KCNQ1OT1: variants seen among roughly 807,000 people sequenced by gnomAD.
KCNQ1OT1 encodes KCNQ1 opposite strand/antisense transcript 1.
chr11:2,629,733 T>G (rs1378180169), exon 1 of KCNQ1OT1: 2 of 398,410 alleles, frequency 5.0e-6, no homozygotes, highest in Non-Finnish European at 8.8e-6. Context: ...TTGTTTATTA[T>G]TAGTGTATAG....
chr11:2,691,620 T>C lies in KCNQ1OT1; in HGVS notation n.8375A>G. The C allele has an allele frequency of 2.5e-6, 1 of 398,538 alleles. No individual in the cohort carries two copies. The highest frequency in any genetic ancestry group is 4.4e-6 in the Non-Finnish European group (1 of 226,044). 24.7% of individuals were successfully genotyped at this position (398,538 alleles called of 1,614,324 possible). A position where few individuals can be genotyped will look rare whatever the true frequency, so the allele number is the denominator to read the frequency against. The stretch of plus-strand genomic sequence containing the variant: ...GTCAACCTAGCTTGTTCCCTGCACG[T>C]ACTGTGGGGAGGTCCTCTTTACCGC... On this transcript the variant is annotated non_coding_transcript_exon_variant, in exon 1 of 1. Transcript: ENST00000597346. The surrounding 1 kb of genome is among the most constrained non-coding windows in gnomAD (Gnocchi z 6.4).
rs763234280 is a variant in KCNQ1OT1, at chr11:2,642,153, A to G, written n.57842T>C. ...TTTAGGATTTTTTCTATTTCCATGA[A>G]AAATGGCATTGGTATTTTGAGAGAG... On this transcript the variant is annotated non_coding_transcript_exon_variant, in exon 1 of 1. Coordinates refer to ENST00000597346, the Ensembl canonical transcript of KCNQ1OT1. The surrounding 1 kb of genome is among the most constrained non-coding windows in gnomAD (Gnocchi z 4.3). 5.0e-6 allele frequency: 2 copies of G among 398,372 alleles called. No individual in the cohort carries two copies. Among genetic ancestry groups the G allele is most frequent in the Non-Finnish European group, 8.8e-6 (2 of 226,000 alleles). 24.7% of individuals were successfully genotyped at this position (398,372 alleles called of 1,614,324 possible).
Position 2,683,386 on chromosome 11 carries a change from C to T in KCNQ1OT1, n.16609G>A. On this transcript the variant is annotated non_coding_transcript_exon_variant, in exon 1 of 1. Coordinates refer to ENST00000597346, the Ensembl canonical transcript of KCNQ1OT1. The surrounding 1 kb of genome is among the most constrained non-coding windows in gnomAD (Gnocchi z 4.7). ...TGTCTGCAAATGCAGGTTCCTGGGG[C>T]TCTGGGTGGTTTGTCCAATGGCTAA... 2.5e-6 allele frequency: 1 copy of T among 398,634 alleles called. No individual in the cohort carries two copies. Among genetic ancestry groups the T allele is most frequent in the Non-Finnish European group, 4.4e-6 (1 of 226,070 alleles). The allele number at this position is 398,634 out of a possible 1,614,324, so 24.7% of individuals were successfully genotyped here. A position where few individuals can be genotyped will look rare whatever the true frequency, so the allele number is the denominator to read the frequency against.
chr11:2,697,051 G>A, exon 1 of KCNQ1OT1: 1 of 398,398 alleles, frequency 2.5e-6, no homozygotes, highest in Non-Finnish European at 4.4e-6. Context: ...TTCAGGAAAG[G>A]TCAAAAACAT....
exon 1 of KCNQ1OT1, chr11:2,693,240 G>A (rs1416149138): frequency 7.5e-6 from 3 of 398,750 alleles, no homozygotes; most frequent in Non-Finnish European, 1.3e-5. Context: ...ATAGCCCAGG[G>A]CTACCTGTAC....
Position 2,691,625 on chromosome 11 carries a change from T to G in KCNQ1OT1, n.8370A>C, listed in dbSNP as rs1850589315. The stretch of plus-strand genomic sequence containing the variant: ...CCTAGCTTGTTCCCTGCACGTACTG[T>G]GGGGAGGTCCTCTTTACCGCCACAG... On this transcript the variant is annotated non_coding_transcript_exon_variant, in exon 1 of 1. Coordinates refer to ENST00000597346, the Ensembl canonical transcript of KCNQ1OT1. This position sits in a 1 kb window ranked among gnomAD's most constrained non-coding sequence, Gnocchi z 6.4. 1.5e-5 allele frequency: 6 copies of G among 398,386 alleles called. No individual in the cohort carries two copies. The South Asian group carries it at 6.4e-4, about 42-fold the overall frequency. The allele number at this position is 398,386 out of a possible 1,614,324, so 24.7% of individuals were successfully genotyped here. A position where few individuals can be genotyped will look rare whatever the true frequency, so the allele number is the denominator to read the frequency against.
At chr11:2,631,858 C>A in exon 1 of KCNQ1OT1, 1 of 398,308 alleles carries the variant, frequency 2.5e-6, no homozygotes, top group Middle Eastern at 6.3e-4. Flanking sequence ...TAATAATATC[C>A]CTTTCAGATT....
chr11:2,662,237 C>G lies in KCNQ1OT1; in HGVS notation n.37758G>C, dbSNP rs2075868. 68,255 of 938,182 alleles carry G rather than the reference C, an allele frequency of 0.073. 4,169 individuals are homozygous for G. Among genetic ancestry groups the G allele is most frequent in the East Asian group, 0.29 (11,452 of 39,168 alleles). 58.1% of individuals were successfully genotyped at this position (938,182 alleles called of 1,614,324 possible). On this transcript the variant is annotated non_coding_transcript_exon_variant, in exon 1 of 1. Transcript: ENST00000597346. ...TCTGCCTGGCCCCAACACGGAGGCA[C>G]CAGGCAAGAGAGGAGAGCAAGGGCA...
At chr11:2,618,293 C>T in exon 1 of KCNQ1OT1, 1 of 398,502 alleles carries the variant, frequency 2.5e-6, no homozygotes, top group Non-Finnish European at 4.4e-6. Context: ...CTAACAATAA[C>T]AACAGCTGAT....
chr11:2,684,668 T>A (rs1378216200), exon 1 of KCNQ1OT1: 2 of 398,658 alleles, frequency 5.0e-6, no homozygotes, highest in African/African-American at 2.1e-5. Context: ...TTGTTGGATG[T>A]GCAGGGAGCT....
Position 2,670,014 on chromosome 11 carries a change from G to T in KCNQ1OT1, n.29981C>A, listed in dbSNP as rs187839576. ...CGGAATGGGGTTCAGGAGCTGTTGG[G>T]GTCCCGTGGAGGTACAGGCGGAAAC... On this transcript the variant is annotated non_coding_transcript_exon_variant, in exon 1 of 1. Transcript: ENST00000597346. This position sits in a 1 kb window ranked among gnomAD's most constrained non-coding sequence, Gnocchi z 4.9. 1,578 of 398,658 alleles carry T rather than the reference G, an allele frequency of 4.0e-3. 5 individuals carry two copies. The highest frequency in any genetic ancestry group is 4.7e-3 in the Non-Finnish European group (1,071 of 226,102). The allele number at this position is 398,658 out of a possible 1,614,324, so 24.7% of individuals were successfully genotyped here. A position where few individuals can be genotyped will look rare whatever the true frequency, so the allele number is the denominator to read the frequency against.
At chr11:2,643,995 T>C (rs1381627216) in exon 1 of KCNQ1OT1, 7 of 398,444 alleles carry the variant, frequency 1.8e-5, no homozygotes, top group Admixed American at 8.8e-5. Flanking sequence ...CCCTTGTAAG[T>C]GTCTACAACC....
At chr11:2,697,515 T>G (rs1850698092) in exon 1 of KCNQ1OT1, 1 of 398,516 alleles carries the variant, frequency 2.5e-6, no homozygotes, top group Non-Finnish European at 4.4e-6. Flanking sequence ...TTGTATCAAG[T>G]TGAAGAAGTT....
At chr11:2,660,899 A>T in exon 1 of KCNQ1OT1, 1 of 398,660 alleles carries the variant, frequency 2.5e-6, no homozygotes. Flanking sequence ...CTGAATAATT[A>T]AGCAGCTTAA....
chr11:2,662,934 C>G (rs1031070273), exon 1 of KCNQ1OT1: 3 of 398,504 alleles, frequency 7.5e-6, no homozygotes, highest in Non-Finnish European at 1.3e-5. Context: ...CCATGTGTGT[C>G]TTTGTCGTAG....
chr11:2,619,450 G>C (rs572529238), exon 1 of KCNQ1OT1: 17 of 398,394 alleles, frequency 4.3e-5, no homozygotes, highest in Non-Finnish European at 7.1e-5. Context: ...TCATCTTTCA[G>C]TCTGTTAGTA....
rs1039787326 is a variant in KCNQ1OT1, at chr11:2,645,766, G to A, written n.54229C>T. 2.3e-5 allele frequency: 9 copies of A among 398,698 alleles called. No homozygotes were observed. The highest frequency in any genetic ancestry group is 3.1e-5 in the Non-Finnish European group (7 of 226,238). 24.7% of individuals were successfully genotyped at this position (398,698 alleles called of 1,614,324 possible). On this transcript the variant is annotated non_coding_transcript_exon_variant, in exon 1 of 1. Coordinates refer to ENST00000597346, the Ensembl canonical transcript of KCNQ1OT1. This position sits in a 1 kb window ranked among gnomAD's most constrained non-coding sequence, Gnocchi z 5.8. ...GGCTCCAGGGATGAGATAGAGGGATGTGGGGCCCACAGCAGATGCAGTCTG... is the reference window on the plus strand; with the variant it reads ...GGCTCCAGGGATGAGATAGAGGGATATGGGGCCCACAGCAGATGCAGTCTG...
chr11:2,615,675 G>A, exon 1 of KCNQ1OT1: 1 of 398,008 alleles, frequency 2.5e-6, no homozygotes, highest in Non-Finnish European at 4.4e-6. Context: ...TTAATGTGGT[G>A]TATTACATTG....
At chr11:2,692,095 C>T (rs905838110) in exon 1 of KCNQ1OT1, 5 of 398,610 alleles carry the variant, frequency 1.3e-5, no homozygotes, top group Non-Finnish European at 2.2e-5. Flanking sequence ...CCCCCACCTC[C>T]TCTCCACAGC....
Sources: gnomAD v4.1 joint callset for allele counts on GRCh38, gnomAD v4.1.1 for gene constraint, Gnocchi (gnomAD v3.1) non-coding constraint, MANE v1.5 for transcripts, NCBI Gene and HGNC (gene_info 2026-07-23, HGNC 2026-07-21) for gene names.